The following PLOD2 variants were observed in gnomAD, a reference collection of about 807,000 sequenced individuals.
The protein encoded by PLOD2 is lysine hydroxylase 2.
In PLOD2, 65 loss-of-function variants were observed where a neutral mutation model predicts 101.0. That is an observed-to-expected ratio of 0.64 (90% CI 0.53 to 0.79). The LOEUF is 0.79. Among genes scored for constraint, PLOD2 ranks in the 30% least tolerant of loss-of-function variants. PLOD2 has a pLI of 0.00. For missense variants in PLOD2, 909 were observed against 914.6 expected, an observed-to-expected ratio of 0.99 and a Z score of 0.08; for synonymous variants, 314 against 302.9, an observed-to-expected ratio of 1.04 and a Z score of -0.38.
intron 1 of PLOD2, among the ~76,000 whole-genome samples, chr3:146,154,555 T>C (rs1440503918): frequency 3.3e-5 from 5 of 152,162 alleles, no homozygotes; most frequent in Non-Finnish European, 7.4e-5. Context: ...GATTTTTTCC[T>C]GGTTAAAATT....
intron 7 of PLOD2, among the ~76,000 whole-genome samples, chr3:146,092,476 A>G (rs1224371855): frequency 6.6e-6 from 1 of 152,092 alleles, no homozygotes; most frequent in African/African-American, 2.4e-5. Context: ...GTACTGATTC[A>G]GGAAAAGAGA....
At chr3:146,101,177 GAC>G in intron 7 of PLOD2, among the ~76,000 whole-genome samples, 1 of 152,244 alleles carries the variant, frequency 6.6e-6, no homozygotes, top group South Asian at 2.1e-4. Context: ...GCTTAGGAAA[GAC>G]ACAGGAGTTA....
At chr3:146,153,206 G>A (rs997725203) in intron 1 of PLOD2, among the ~76,000 whole-genome samples, 1 of 152,106 alleles carries the variant, frequency 6.6e-6, no homozygotes, top group Non-Finnish European at 1.5e-5. Flanking sequence ...GACTTCCCCA[G>A]GTGATCACAT....
intron 1 of PLOD2, among the ~76,000 whole-genome samples, chr3:146,131,633 A>T (rs976720967): frequency 5.3e-5 from 8 of 152,204 alleles, no homozygotes; most frequent in Non-Finnish European, 1.2e-4. Context: ...ATGAAGGAGG[A>T]AACCATAATC....
At chr3:146,086,506 T>C (rs1936772512) in intron 10 of PLOD2, 2 of 201,964 alleles carry the variant, frequency 9.9e-6, no homozygotes, top group Non-Finnish European at 2.0e-5. Context: ...AGTCATACTA[T>C]TCATTTATCT....
chr3:146,088,738 A>G, intron 8 of PLOD2, 27 bp from the exon 9 acceptor site: 3 of 1,556,614 alleles, frequency 1.9e-6, no homozygotes, highest in Non-Finnish European at 2.7e-6. Flanking sequence ...ACATAAAAAT[A>G]AAATTATCAT....
intron 1 of PLOD2, among the ~76,000 whole-genome samples, chr3:146,138,628 G>A (rs1328200676): frequency 6.6e-6 from 1 of 152,142 alleles, no homozygotes; most frequent in Non-Finnish European, 1.5e-5. Flanking sequence ...AGAATGGCCA[G>A]AAGAGACTAT....
intron 3 of PLOD2, among the ~76,000 whole-genome samples, chr3:146,116,046 A>G (rs1185142928): frequency 2.6e-5 from 4 of 152,228 alleles, no homozygotes. Flanking sequence ...CCAATCCTTT[A>G]TCATTATTGG....
chr3:146,107,622 ATTTTTTTTTTTTTT>A (rs71158215), intron 4 of PLOD2, among the ~76,000 whole-genome samples: 1 of 68,870 alleles, frequency 1.5e-5, no homozygotes, highest in Non-Finnish European at 2.6e-5. Context: ...TGCCATATAA[ATTTTTTTTTTTTTT>A]TTTTTTTTTT....
In PLOD2 at chr3:146,110,381, C is replaced by G. The variant is rs1399835378; in HGVS notation, c.406G>C (p.Val136Leu). 12 of 1,613,594 alleles carry G rather than the reference C, an allele frequency of 7.4e-6. No homozygotes were observed. Among genetic ancestry groups the G allele is most frequent in the Non-Finnish European group, 1.0e-5 (12 of 1,179,642 alleles). The change falls in exon 4 of 20, where the codon GTG (valine) becomes CTG (leucine). Residue 136 changes from valine to leucine, a missense_variant. Coordinates refer to ENST00000282903, the MANE Select transcript of PLOD2 (RefSeq NM_182943.3). Reference sequence around the variant, plus strand: ...AAAATTCCATCTGCTGCAAAGACCACTTTGTGGTTTGCCTTTTGGAATTTT... The same window carrying G: ...AAAATTCCATCTGCTGCAAAGACCAGTTTGTGGTTTGCCTTTTGGAATTTT... ...LKKFQKANHK[V>L]VFAADGILWP... is the part of the protein sequence containing the mutation.
intron 11 of PLOD2, among the ~76,000 whole-genome samples, chr3:146,082,619 G>T (rs887874224): frequency 6.6e-6 from 1 of 152,120 alleles, no homozygotes; most frequent in Non-Finnish European, 1.5e-5. Flanking sequence ...CGGGCCCGGC[G>T]CAGTGGCTCA....
intron 12 of PLOD2, among the ~76,000 whole-genome samples, chr3:146,080,525 C>T (rs887487587): frequency 2.6e-5 from 4 of 151,424 alleles, no homozygotes; most frequent in Admixed American, 2.6e-4. Context: ...CACACACATA[C>T]ACACACACAC....
At position 146,077,821 on chromosome 3, in the gene PLOD2, A is replaced by G. The variant is rs769948607; in HGVS notation, c.1563+41T>C. ...TACTAGGCAATATACTATATCAAAT[A>G]TTAAATAAACAAAAATAAATAAAAT... On this transcript the variant is annotated intron_variant, in intron 14 of 19. Coordinates refer to ENST00000282903, the MANE Select transcript of PLOD2 (RefSeq NM_182943.3). 4.1e-6 allele frequency: 5 copies of G among 1,223,756 alleles called. No homozygotes were observed. The African/African-American group carries it at 7.6e-5, about 19-fold the overall frequency. 75.8% of individuals were successfully genotyped at this position (1,223,756 alleles called of 1,614,324 possible).
chr3:146,137,382 G>A (rs983194705), intron 1 of PLOD2, among the ~76,000 whole-genome samples: 8 of 152,136 alleles, frequency 5.3e-5, no homozygotes, highest in African/African-American at 1.9e-4. Context: ...GAGTAGCTGG[G>A]ACTACAGGTG....
chr3:146,082,453 G>A (rs544143680), intron 11 of PLOD2, among the ~76,000 whole-genome samples: 1 of 152,018 alleles, frequency 6.6e-6, no homozygotes, highest in Non-Finnish European at 1.5e-5. Context: ...AGCTAGTCCT[G>A]GCAACACTGA....
intron 7 of PLOD2, among the ~76,000 whole-genome samples, chr3:146,092,773 A>G (rs186314611): frequency 6.6e-6 from 1 of 152,044 alleles, no homozygotes; most frequent in South Asian, 2.1e-4. Context: ...CCTCAAACAA[A>G]ATTTTTAATA....
intron 1 of PLOD2, among the ~76,000 whole-genome samples, chr3:146,154,359 G>A (rs1468542591): frequency 6.6e-6 from 1 of 151,928 alleles, no homozygotes; most frequent in Non-Finnish European, 1.5e-5. Flanking sequence ...ACACTCCAAT[G>A]TAGTATACCT....
rs1032084471 is a variant in PLOD2, at chr3:146,114,876, C to T, written c.339-4428G>A. The stretch of plus-strand genomic sequence containing the variant: ...CCTAGAGACGCATCAATCCCAACTG[C>T]GGAACAGCACAGGCTCTGAGAGGGA... On this transcript the variant is annotated intron_variant, in intron 3 of 19. Coordinates refer to ENST00000282903, the MANE Select transcript of PLOD2 (RefSeq NM_182943.3). Among the ~76,000 whole-genome samples, 8 of 152,204 alleles carry T rather than the reference C, an allele frequency of 5.3e-5. No individual in the cohort carries two copies. In the South Asian group the frequency reaches 8.3e-4, roughly 16 times the overall value.
At chr3:146,118,880 T>C (rs1938045272) in intron 3 of PLOD2, among the ~76,000 whole-genome samples, 1 of 152,204 alleles carries the variant, frequency 6.6e-6, no homozygotes, top group Admixed American at 6.5e-5. Context: ...TAAAGCTCAC[T>C]ATGATCTTTA....
Sources: allele counts gnomAD v4.1 joint callset (sites outside exome capture counted in the v4.1 genomes callset), GRCh38; gene constraint gnomAD v4.1.1; transcripts MANE v1.5; gene names NCBI Gene and HGNC (gene_info 2026-07-23, HGNC 2026-07-21).